EXD3: variants seen among roughly 807,000 people sequenced by gnomAD.
EXD3 encodes the protein exonuclease 3'-5' domain containing 3.
EXD3 carries 92 observed loss-of-function variants against 98.0 expected under a neutral mutation model. That is an observed-to-expected ratio of 0.94 (90% CI 0.79 to 1.12). The LOEUF is 1.12. EXD3 is among the 50% of genes most tolerant of loss of function. The pLI, the probability that EXD3 is intolerant of heterozygous loss-of-function variation, is 0.00. For missense variants in EXD3, 1,222 were observed against 1,191.6 expected, an observed-to-expected ratio of 1.03 and a Z score of -0.38; for synonymous variants, 569 against 526.0, an observed-to-expected ratio of 1.08 and a Z score of -1.12.
chr9:137,390,434 A>C (rs1836846337), intron 2 of EXD3, among the ~76,000 whole-genome samples: 2 of 148,506 alleles, frequency 1.3e-5, no homozygotes, highest in Admixed American at 6.7e-5. Flanking sequence ...TCTGTTGCCA[A>C]AAAAAAAAAA....
intron 1 of EXD3, among the ~76,000 whole-genome samples, chr9:137,398,725 AAGACACACAGGCACCCGCGTCCCCG>A (rs1564208676): frequency 3.4e-5 from 3 of 87,866 alleles, no homozygotes; most frequent in African/African-American, 8.3e-5. Flanking sequence ...CCGCATCCCC[AAGACACACAGGCACCCGCGTCCCCG>A]AGACACACAG....
At chr9:137,340,820 A>G (rs923505889) in intron 17 of EXD3, among the ~76,000 whole-genome samples, 9 of 152,162 alleles carry the variant, frequency 5.9e-5, no homozygotes, top group African/African-American at 1.9e-4. Context: ...ACCTGGCCTC[A>G]ATGTCTTAAA....
intron 17 of EXD3, among the ~76,000 whole-genome samples, chr9:137,344,186 C>G (rs189978624): frequency 2.6e-5 from 4 of 152,080 alleles, no homozygotes; most frequent in Non-Finnish European, 5.9e-5. Context: ...CCACTGCGCC[C>G]GGCCTGTATC....
Position 137,351,533 on chromosome 9 carries a change from G to T in EXD3, c.1174-5C>A. The T allele has an allele frequency of 6.4e-7, 1 of 1,570,172 alleles. No homozygotes were observed. The highest frequency in any genetic ancestry group is 2.4e-5 in the East Asian group (1 of 42,226). On this transcript the variant is annotated splice_polypyrimidine_tract_variant and splice_region_variant and intron_variant, in intron 12 of 21. Coordinates refer to ENST00000340951, the MANE Select transcript of EXD3 (RefSeq NM_017820.5). The stretch of plus-strand genomic sequence containing the variant: ...TACACCAACCACTTGGTGGCACTGC[G>T]GGCAGAGAGGGGCAGATGTGATCAT...
intron 19 of EXD3, among the ~76,000 whole-genome samples, chr9:137,316,594 C>A (rs1012329062): frequency 1.3e-5 from 2 of 152,356 alleles, no homozygotes; most frequent in Admixed American, 6.5e-5. Context: ...CCTCCAGGAG[C>A]GGTGATGGTC....
chr9:137,373,711 G>A (rs1277213384), intron 3 of EXD3, 112 bp from the exon 4 acceptor site: 1 of 1,250,084 alleles, frequency 8.0e-7, no homozygotes, highest in African/African-American at 1.5e-5. Flanking sequence ...GAAGGTAGCT[G>A]TGGCCATTCA....
At chr9:137,309,007 A>G (rs1831216792) in intron 20 of EXD3, among the ~76,000 whole-genome samples, 1 of 152,026 alleles carries the variant, frequency 6.6e-6, no homozygotes, top group African/African-American at 2.4e-5. Context: ...CCGACTGAGG[A>G]TGACCAGGAG....
At chr9:137,326,984 C>T (rs947877431) in intron 17 of EXD3, among the ~76,000 whole-genome samples, 6 of 152,040 alleles carry the variant, frequency 3.9e-5, no homozygotes, top group Admixed American at 1.3e-4. Flanking sequence ...TACGACACGC[C>T]GAGTGAAAGA....
intron 17 of EXD3, among the ~76,000 whole-genome samples, chr9:137,326,078 CAAA>C (rs796346556): frequency 1.8e-4 from 17 of 95,470 alleles, no homozygotes; most frequent in African/African-American, 3.5e-4. Context: ...GAACCTGTCT[CAAA>C]AAAAAAAAAA....
intron 7 of EXD3, among the ~76,000 whole-genome samples, chr9:137,363,335 CTTTTT>C (rs71387828): frequency 2.5e-5 from 2 of 81,186 alleles, no homozygotes; most frequent in Admixed American, 1.6e-4. Context: ...GTGCAATTTC[CTTTTT>C]TTTTTTTTTT....
At chr9:137,378,004 AG>A (rs1320633845) in intron 3 of EXD3, among the ~76,000 whole-genome samples, 18 of 151,270 alleles carry the variant, frequency 1.2e-4, no homozygotes, top group Admixed American at 4.6e-4. Flanking sequence ...TATGTTGGCC[AG>A]ACTGGTCTCA....
At position 137,356,326 on chromosome 9, in the gene EXD3, A is replaced by G. The variant is rs1199635175; in HGVS notation, c.699T>C (p.Ser233=). The change falls in exon 8 of 22, where the codon AGT becomes AGC. Residue 233 remains serine (S), a synonymous_variant. Transcript: ENST00000340951. ...AGACCTGCCTGCTCAGCGCCTTCGG[A>G]CTCAGCTTCTCCAGGCTCAAGGAGG... ...EVTSLSLEKL[S]PKALSRQVLR... 15 of 1,604,758 alleles carry G rather than the reference A, an allele frequency of 9.3e-6. No homozygotes were observed. Among genetic ancestry groups the G allele is most frequent in the Non-Finnish European group, 1.3e-5 (15 of 1,176,192 alleles).
At chr9:137,346,110 G>A (rs1231904295) in intron 17 of EXD3, 1 of 151,302 alleles carries the variant, frequency 6.6e-6, no homozygotes. Context: ...ATGGTGGCAG[G>A]AGCCTGTAGT....
intron 3 of EXD3, among the ~76,000 whole-genome samples, chr9:137,382,008 G>A (rs1207018799): frequency 6.6e-6 from 1 of 151,276 alleles, no homozygotes; most frequent in Non-Finnish European, 1.5e-5. Context: ...GCGGGGAGGA[G>A]GTGAGGACGC....
intron 8 of EXD3, among the ~76,000 whole-genome samples, 173 bp from the exon 9 acceptor site, chr9:137,354,946 C>T (rs1029889716): frequency 2.6e-5 from 4 of 152,212 alleles, no homozygotes; most frequent in South Asian, 4.1e-4. Context: ...GGGTCCACCC[C>T]ACTCAGCCTG....
In EXD3 at chr9:137,353,956, T is replaced by C. The variant is rs529026726; in HGVS notation, c.870+383A>G. 669 of 1,068,396 alleles carry C rather than the reference T, an allele frequency of 6.3e-4. 5 individuals carry two copies. The African/African-American group carries it at 0.01, about 16-fold the overall frequency. The allele number at this position is 1,068,396 out of a possible 1,614,324, so 66.2% of individuals were successfully genotyped here. On this transcript the variant is annotated intron_variant, in intron 10 of 21. Coordinates refer to ENST00000340951, the MANE Select transcript of EXD3 (RefSeq NM_017820.5). Reference sequence around the variant, plus strand: ...GACGTCCGCTGCCCTTCCGGCCGGCTCTGCGCTGGCACCGGGCTGGGGGGG... The same window carrying C: ...GACGTCCGCTGCCCTTCCGGCCGGCCCTGCGCTGGCACCGGGCTGGGGGGG...
chr9:137,381,415 C>CAAAAAAA lies in EXD3; in HGVS notation c.120+1891_120+1897dup, dbSNP rs61183889. On this transcript the variant is annotated intron_variant, in intron 3 of 21. Coordinates refer to ENST00000340951, the MANE Select transcript of EXD3 (RefSeq NM_017820.5). ...TGGGTGACAGAACAAGACTCCTTCT[C>CAAAAAAA]AAAAAAAAAAAAAAAAAAAAAAAAG... 3.4e-3 allele frequency among the ~76,000 whole-genome samples: 174 copies of CAAAAAAA among 50,812 alleles called. 5 individuals carry two copies. The highest frequency in any genetic ancestry group is 4.7e-3 in the African/African-American group (70 of 14,982). The allele number at this position is 50,812 out of a possible 152,430, so 33.3% of individuals were successfully genotyped here. A position where few individuals can be genotyped will look rare whatever the true frequency, so the allele number is the denominator to read the frequency against.
At chr9:137,309,305 T>TA (rs1404373243) in intron 20 of EXD3, among the ~76,000 whole-genome samples, 1 of 152,080 alleles carries the variant, frequency 6.6e-6, no homozygotes, top group Non-Finnish European at 1.5e-5. Context: ...ACCGCATGCC[T>TA]GGGCCCAGCA....
At chr9:137,348,357 T>G (rs1834046823) in intron 16 of EXD3, 119 bp from the exon 17 acceptor site, 1 of 1,167,628 alleles carries the variant, frequency 8.6e-7, no homozygotes, top group South Asian at 1.6e-5. Context: ...CTTCAAAAGA[T>G]AAAACTGTGT....
Sources: allele counts gnomAD v4.1 joint callset (sites outside exome capture counted in the v4.1 genomes callset), GRCh38; gene constraint gnomAD v4.1.1; transcripts MANE v1.5; gene names NCBI Gene and HGNC (gene_info 2026-07-23, HGNC 2026-07-21).